YPEL2: variants seen among roughly 807,000 people sequenced by gnomAD.
The protein encoded by YPEL2 is protein yippee-like 2.
YPEL2 carries 2 observed loss-of-function variants against 19.1 expected under a neutral mutation model. The ratio of observed to expected loss-of-function variants is 0.10; its 90% CI spans 0.04 to 0.33. The LOEUF (loss-of-function observed/expected upper bound fraction) is 0.33, where lower values mean the gene tolerates loss of function less well. Ranked by LOEUF, YPEL2 falls within the 10% of genes least tolerant of loss-of-function variation. YPEL2 has a pLI of 1.00. For synonymous variants in YPEL2, 52 were observed against 50.0 expected (o/e 1.04, Z -0.17); for missense variants, 66 against 140.7 (o/e 0.47, Z 2.68).
At chr17:59,381,595 T>TG (rs1205751897) in intron 2 of YPEL2, among the ~76,000 whole-genome samples, 1 of 152,148 alleles carries the variant, frequency 6.6e-6, no homozygotes, top group Non-Finnish European at 1.5e-5. Flanking sequence ...CTTCCAGACT[T>TG]GCAAAGGGGC....
At chr17:59,393,628 G>A (rs1434149442) in intron 4 of YPEL2, among the ~76,000 whole-genome samples, 1 of 147,640 alleles carries the variant, frequency 6.8e-6, no homozygotes, top group South Asian at 2.2e-4. Flanking sequence ...GTGAACAAAG[G>A]TCTCTGGTTT....
chr17:59,377,327 A>G (rs531330971), intron 2 of YPEL2, among the ~76,000 whole-genome samples: 3 of 152,262 alleles, frequency 2.0e-5, no homozygotes, highest in Admixed American at 1.3e-4. Context: ...GAGCTCCAAT[A>G]TTTCAGCCCT....
At chr17:59,340,215 C>T (rs890598182) in intron 1 of YPEL2, among the ~76,000 whole-genome samples, 1 of 151,606 alleles carries the variant, frequency 6.6e-6, no homozygotes, top group Non-Finnish European at 1.5e-5. Flanking sequence ...TTCAAGCGAT[C>T]GTCCTGCCCC....
At chr17:59,376,553 C>A (rs2047921811) in intron 2 of YPEL2, among the ~76,000 whole-genome samples, 1 of 152,164 alleles carries the variant, frequency 6.6e-6, no homozygotes, top group African/African-American at 2.4e-5. Context: ...CCTAGCCTCT[C>A]TTCTCCGTAC....
intron 2 of YPEL2, among the ~76,000 whole-genome samples, chr17:59,362,384 G>C (rs1456600184): frequency 6.6e-6 from 1 of 152,122 alleles, no homozygotes; most frequent in Non-Finnish European, 1.5e-5. Flanking sequence ...CCTGCTCCCT[G>C]TGAAAATTAA....
At chr17:59,371,848 G>A (rs934537360) in intron 2 of YPEL2, among the ~76,000 whole-genome samples, 2 of 152,188 alleles carry the variant, frequency 1.3e-5, no homozygotes, top group Non-Finnish European at 2.9e-5. Context: ...AGTGATAAAT[G>A]TGCTTAAAAT....
chr17:59,334,707 C>T (rs551255295), intron 1 of YPEL2, among the ~76,000 whole-genome samples: 58 of 152,220 alleles, frequency 3.8e-4, no homozygotes, highest in African/African-American at 1.4e-3. Context: ...TGCGATTTAG[C>T]TTCAAAAAGG....
chr17:59,384,723 T>A (rs1679658133), intron 2 of YPEL2, among the ~76,000 whole-genome samples: 1 of 152,212 alleles, frequency 6.6e-6, no homozygotes, highest in South Asian at 2.1e-4. Flanking sequence ...GTCTGGGGGT[T>A]TGTCTTGCAC....
At chr17:59,362,543 C>G (rs1269200007) in intron 2 of YPEL2, 1 of 152,138 alleles carries the variant, frequency 6.6e-6, no homozygotes, top group Non-Finnish European at 1.5e-5. Flanking sequence ...GTGATTCTTT[C>G]TGTGTGGTTA....
intron 2 of YPEL2, among the ~76,000 whole-genome samples, chr17:59,383,907 C>T (rs921084855): frequency 1.3e-5 from 2 of 151,726 alleles, no homozygotes; most frequent in Non-Finnish European, 2.9e-5. Flanking sequence ...TCTATTTATC[C>T]GGTCACCATT....
intron 2 of YPEL2, among the ~76,000 whole-genome samples, chr17:59,370,935 T>C (rs985866086): frequency 6.6e-6 from 1 of 152,018 alleles, no homozygotes; most frequent in African/African-American, 2.4e-5. Flanking sequence ...AGTGGCCCTT[T>C]TTTGTTTTTT....
intron 4 of YPEL2, among the ~76,000 whole-genome samples, chr17:59,395,674 C>T (rs750326510): frequency 2.0e-5 from 3 of 152,148 alleles, no homozygotes; most frequent in Admixed American, 6.5e-5. Flanking sequence ...TGTCTCCACA[C>T]ATCTGACATA....
At chr17:59,349,403 G>A (rs370886878) in intron 1 of YPEL2, among the ~76,000 whole-genome samples, 9 of 130,326 alleles carry the variant, frequency 6.9e-5, no homozygotes, top group South Asian at 4.7e-4. Flanking sequence ...TCGCTCTGTC[G>A]TCCAGGCTGC....
chr17:59,391,365 T>G (rs1030006522), intron 4 of YPEL2, among the ~76,000 whole-genome samples: 3 of 152,186 alleles, frequency 2.0e-5, no homozygotes, highest in African/African-American at 7.2e-5. Context: ...CTCTGTACTT[T>G]CTGCTCAATT....
At chr17:59,340,809 G>A (rs2047725644) in intron 1 of YPEL2, among the ~76,000 whole-genome samples, 1 of 151,044 alleles carries the variant, frequency 6.6e-6, no homozygotes, top group South Asian at 2.1e-4. Context: ...CAGCCTCCTG[G>A]GTTTAAGTGA....
At chr17:59,359,911 T>C (rs61385813) in intron 2 of YPEL2, among the ~76,000 whole-genome samples, 3,593 of 152,276 alleles carry the variant, frequency 0.024, 106 homozygotes, top group East Asian at 0.12. Flanking sequence ...TTTTTATTTA[T>C]TTTTTTGAGA....
At chr17:59,344,808 T>A (rs1029744975) in intron 1 of YPEL2, among the ~76,000 whole-genome samples, 1 of 152,218 alleles carries the variant, frequency 6.6e-6, no homozygotes, top group African/African-American at 2.4e-5. Context: ...ACTGCCCGTA[T>A]TTTTGTTACC....
intron 3 of YPEL2, 154 bp from the exon 4 acceptor site, chr17:59,389,206 G>T: frequency 1.7e-6 from 1 of 585,848 alleles, no homozygotes; most frequent in East Asian, 2.8e-5. Flanking sequence ...ATTTCCCTGT[G>T]GCCACCTTTT....
Position 59,353,261 on chromosome 17 carries a change from G to C in YPEL2, c.-149G>C. 1 of 607,098 alleles carries C rather than the reference G, an allele frequency of 1.6e-6. No individual in the cohort carries two copies. Among genetic ancestry groups the C allele is most frequent in the Middle Eastern group, 4.5e-4 (1 of 2,210 alleles). The allele number at this position is 607,098 out of a possible 1,614,324, so 37.6% of individuals were successfully genotyped here. Reference sequence around the variant, plus strand: ...ACCTCTGCGTGAGGGTTCTTCTGCCGAAGACATCACCAGTGTGTGGAGCCT... The same window carrying C: ...ACCTCTGCGTGAGGGTTCTTCTGCCCAAGACATCACCAGTGTGTGGAGCCT... On this transcript the variant is annotated 5_prime_UTR_variant, in exon 2 of 5. Coordinates refer to ENST00000312655, the MANE Select transcript of YPEL2 (RefSeq NM_001005404.4). This position sits in a 1 kb window ranked among gnomAD's most constrained non-coding sequence, Gnocchi z 4.8.
Sources: allele counts gnomAD v4.1 joint callset (sites outside exome capture counted in the v4.1 genomes callset), GRCh38; gene constraint gnomAD v4.1.1; non-coding constraint Gnocchi (gnomAD v3.1); transcripts MANE v1.5; gene names NCBI Gene and HGNC (gene_info 2026-07-23, HGNC 2026-07-21).